The following LHCGR variants were observed in gnomAD, a reference collection of about 807,000 sequenced individuals.
LHCGR encodes luteinizing hormone/choriogonadotropin receptor.
In LHCGR, 55 loss-of-function variants were observed where a neutral mutation model predicts 60.7. The ratio of observed to expected loss-of-function variants is 0.91; its 90% CI spans 0.73 to 1.13. The LOEUF (loss-of-function observed/expected upper bound fraction) is 1.13. Among genes scored for constraint, LHCGR ranks in the 50% most tolerant of loss-of-function variants. The probability of loss-of-function intolerance (pLI) is 0.00; values close to 1 mark genes in which losing one functional copy is unlikely to be tolerated. For synonymous variants in LHCGR, 337 were observed against 316.5 expected (o/e 1.06, Z -0.69); for missense variants, 862 against 836.0 (o/e 1.03, Z -0.38).
intron 10 of LHCGR, among the ~76,000 whole-genome samples, chr2:48,691,486 C>A (rs1018795484): frequency 2.6e-5 from 4 of 152,024 alleles, no homozygotes; most frequent in Non-Finnish European, 5.9e-5. Flanking sequence ...ATTTTTTAAT[C>A]TTTAAAGGGA....
intron 2 of LHCGR, among the ~76,000 whole-genome samples, chr2:48,729,925 C>T (rs545505354): frequency 6.6e-6 from 1 of 152,214 alleles, no homozygotes; most frequent in East Asian, 1.9e-4. Context: ...TAAGTGAATG[C>T]AGTAGTGAAT....
At chr2:48,716,643 A>T (rs1460897527) in intron 6 of LHCGR, among the ~76,000 whole-genome samples, 2 of 152,192 alleles carry the variant, frequency 1.3e-5, no homozygotes, top group Non-Finnish European at 2.9e-5. Context: ...GCATAATTAT[A>T]CACAACCTTG....
intron 6 of LHCGR, chr2:48,721,799 A>G (rs1668509740): frequency 2.1e-6 from 1 of 471,024 alleles, no homozygotes; most frequent in Non-Finnish European, 4.4e-6. Flanking sequence ...AAGCAGAAAG[A>G]GTGAGAGGGA....
intron 7 of LHCGR, among the ~76,000 whole-genome samples, chr2:48,709,975 T>C (rs1667899116): frequency 6.6e-6 from 1 of 152,186 alleles, no homozygotes. Flanking sequence ...GTGGGAACAG[T>C]GTGCATCTAC....
chr2:48,733,119 C>T (rs1669079810), intron 1 of LHCGR: 3 of 366,080 alleles, frequency 8.2e-6, no homozygotes, highest in Non-Finnish European at 1.7e-5. Flanking sequence ...CACTGTACCC[C>T]TTGCAGCATC....
intron 1 of LHCGR, among the ~76,000 whole-genome samples, chr2:48,743,922 C>T (rs1319845396): frequency 5.3e-5 from 8 of 151,360 alleles, no homozygotes; most frequent in East Asian, 1.9e-4. Flanking sequence ...TTGCAGACGA[C>T]GTGATTGTAT....
At chr2:48,704,837 C>T (rs1463846595) in intron 8 of LHCGR, among the ~76,000 whole-genome samples, 1 of 152,118 alleles carries the variant, frequency 6.6e-6, no homozygotes, top group Admixed American at 6.5e-5. Context: ...ATTCAAAAAA[C>T]CAGCTCCTGG....
intron 7 of LHCGR, among the ~76,000 whole-genome samples, chr2:48,710,733 T>A (rs1667943826): frequency 6.6e-6 from 1 of 152,228 alleles, no homozygotes; most frequent in African/African-American, 2.4e-5. Context: ...CTTCTGCGGC[T>A]GCCCCTGTCT....
chr2:48,697,971 C>G (rs1667205696), intron 9 of LHCGR, among the ~76,000 whole-genome samples: 1 of 152,170 alleles, frequency 6.6e-6, no homozygotes, highest in African/African-American at 2.4e-5. Context: ...TACTGTGCAT[C>G]TCAGTCAAAA....
intron 8 of LHCGR, among the ~76,000 whole-genome samples, chr2:48,707,632 C>A (rs1667756441): frequency 6.6e-6 from 1 of 152,278 alleles, no homozygotes; most frequent in South Asian, 2.1e-4. Flanking sequence ...CCTTGCTGAG[C>A]TGTATTGGGC....
intron 3 of LHCGR, among the ~76,000 whole-genome samples, chr2:48,728,371 C>A (rs1668841023): frequency 6.6e-6 from 1 of 152,140 alleles, no homozygotes; most frequent in African/African-American, 2.4e-5. Flanking sequence ...GATGCTAATA[C>A]TTTTCCCCTT....
rs530386933 is a variant in LHCGR, at chr2:48,707,400, C to G, written c.680+1548G>C. ...GGGACCCCTTGAGGAGGCAGTCTGT[C>G]TGTTATCAGAGCTTGAACACTGTGC... On this transcript the variant is annotated intron_variant, in intron 8 of 10. Transcript: ENST00000294954. 5.5e-4 allele frequency among the ~76,000 whole-genome samples: 83 copies of G among 151,764 alleles called. 1 individual carries two copies. The South Asian group carries it at 0.016, about 30-fold the overall frequency.
chr2:48,716,403 G>A lies in LHCGR; in HGVS notation c.537-2349C>T, dbSNP rs1021681219. Among the ~76,000 whole-genome samples the A allele has an allele frequency of 6.6e-5, 10 of 152,286 alleles. No homozygotes were observed. The South Asian group carries it at 2.1e-3, about 32-fold the overall frequency. On this transcript the variant is annotated intron_variant, in intron 6 of 10. Coordinates refer to ENST00000294954, the MANE Select transcript of LHCGR (RefSeq NM_000233.4). The stretch of plus-strand genomic sequence containing the variant: ...TTACTGTAATACTCCCAGGTGCCAG[G>A]CACTGTTCTAGATACAGGAGGATAT...
rs1670183266 is a variant in LHCGR, at chr2:48,755,703, G to C, written c.-32C>G. On this transcript the variant is annotated 5_prime_UTR_variant, in exon 1 of 11. Coordinates refer to ENST00000294954, the MANE Select transcript of LHCGR (RefSeq NM_000233.4). Reference sequence around the variant, plus strand: ...CGAACTGGGCTTCTGCGGCTTGCCAGTGTCTTGGACGGCCTCTGAGTGCGG... The same window carrying C: ...CGAACTGGGCTTCTGCGGCTTGCCACTGTCTTGGACGGCCTCTGAGTGCGG... 6.5e-7 allele frequency: 1 copy of C among 1,533,678 alleles called. No homozygotes were observed. Among genetic ancestry groups the C allele is most frequent in the East Asian group, 2.4e-5 (1 of 40,876 alleles).
chr2:48,723,721 T>A, intron 4 of LHCGR, 25 bp from the exon 5 acceptor site: 1 of 1,553,444 alleles, frequency 6.4e-7, no homozygotes. Flanking sequence ...AGGATAGTGG[T>A]GTGGGCAGAG....
At chr2:48,747,495 G>T (rs35960650) in intron 1 of LHCGR, among the ~76,000 whole-genome samples, 42,833 of 152,044 alleles carry the variant, frequency 0.28, 7,172 homozygotes, top group East Asian at 0.4. Flanking sequence ...TCAAAAATGC[G>T]CCCTTCTCTG....
intron 10 of LHCGR, among the ~76,000 whole-genome samples, chr2:48,693,847 C>T (rs912083592): frequency 1.3e-5 from 2 of 152,124 alleles, no homozygotes; most frequent in East Asian, 1.9e-4. Flanking sequence ...TTTTAAGCTA[C>T]GTTTGCAATT....
intron 1 of LHCGR, among the ~76,000 whole-genome samples, chr2:48,751,629 T>G (rs1237228801): frequency 6.6e-6 from 1 of 152,180 alleles, no homozygotes; most frequent in Non-Finnish European, 1.5e-5. Context: ...TGAACACTGT[T>G]TTGGACCCTG....
intron 1 of LHCGR, among the ~76,000 whole-genome samples, chr2:48,754,993 G>A (rs4073655): frequency 0.18 from 27,301 of 151,978 alleles, 2,716 homozygotes; most frequent in East Asian, 0.34. Context: ...AGCGGCTTGT[G>A]TGCTCACTAA....
Sources: allele counts gnomAD v4.1 joint callset (sites outside exome capture counted in the v4.1 genomes callset), GRCh38; gene constraint gnomAD v4.1.1; transcripts MANE v1.5; gene names NCBI Gene and HGNC (gene_info 2026-07-23, HGNC 2026-07-21).